CTNNA2: variants seen among roughly 807,000 people sequenced by gnomAD.
CTNNA2 encodes catenin alpha 2, also known as catenin alpha-2.
CTNNA2 carries 42 observed loss-of-function variants against 101.0 expected under a neutral mutation model. The observed-to-expected ratio is 0.42, with a 90% confidence interval of 0.32 to 0.54. CTNNA2 has a LOEUF of 0.54. CTNNA2 is among the 20% of genes least tolerant of loss of function. The probability of loss-of-function intolerance (pLI) is 0.14; values close to 1 mark genes in which losing one functional copy is unlikely to be tolerated. For missense variants in CTNNA2, 871 were observed against 1,223.1 expected, an observed-to-expected ratio of 0.71 and a Z score of 4.29; for synonymous variants, 450 against 456.4, an observed-to-expected ratio of 0.99 and a Z score of 0.18.
intron 4 of CTNNA2, among the ~76,000 whole-genome samples, chr2:79,448,811 G>A (rs1417808479): frequency 2.0e-5 from 3 of 152,010 alleles, no homozygotes; most frequent in Non-Finnish European, 4.4e-5. Context: ...ATGGTTCAAC[G>A]GAAATCAAAG....
intron 7 of CTNNA2, among the ~76,000 whole-genome samples, chr2:80,230,281 A>G (rs1709125156): frequency 2.5e-5 from 3 of 120,106 alleles, no homozygotes; most frequent in South Asian, 5.0e-4. Context: ...TTTTTTTAAG[A>G]GATAGAGTCT....
chr2:79,385,239 A>G (rs1573140278), intron 4 of CTNNA2, among the ~76,000 whole-genome samples: 1 of 152,120 alleles, frequency 6.6e-6, no homozygotes, highest in African/African-American at 2.4e-5. Context: ...GAGTATTAGC[A>G]GGTACTAGAA....
intron 9 of CTNNA2, among the ~76,000 whole-genome samples, chr2:80,488,699 C>T (rs777437473): frequency 1.3e-5 from 2 of 152,170 alleles, no homozygotes; most frequent in Non-Finnish European, 2.9e-5. Context: ...AAGCATGTTA[C>T]ATGTCCACTG....
At chr2:79,363,528 T>C (rs1677677067) in intron 3 of CTNNA2, among the ~76,000 whole-genome samples, 1 of 151,014 alleles carries the variant, frequency 6.6e-6, no homozygotes, top group African/African-American at 2.4e-5. Flanking sequence ...AGGTATTTAT[T>C]ACATTTAACT....
chr2:80,517,567 A>G (rs1689199884), intron 9 of CTNNA2, among the ~76,000 whole-genome samples: 1 of 152,206 alleles, frequency 6.6e-6, no homozygotes, highest in Admixed American at 6.5e-5. Flanking sequence ...ACAGGCGTCT[A>G]TTAATCTTGT....
At chr2:80,598,546 G>A (rs879474865) in intron 15 of CTNNA2, among the ~76,000 whole-genome samples, 9 of 151,982 alleles carry the variant, frequency 5.9e-5, no homozygotes, top group South Asian at 2.1e-4. Context: ...ATCCAGAGAC[G>A]TAAAAACTTG....
chr2:80,448,651 C>T (rs1385759383), intron 9 of CTNNA2, among the ~76,000 whole-genome samples: 1 of 152,170 alleles, frequency 6.6e-6, no homozygotes, highest in Admixed American at 6.5e-5. Context: ...TTGCATAAGT[C>T]TCCTTTCTTG....
At chr2:79,835,666 G>GTTTTTTTTTTTTTTTTTTTT (rs70940048) in intron 3 of CTNNA2, among the ~76,000 whole-genome samples, 1 of 58,618 alleles carries the variant, frequency 1.7e-5, no homozygotes, top group African/African-American at 7.3e-5. Context: ...GCCTCTCTTT[G>GTTTTTTTTTTTTTTTTTTTT]TTTTTTTTTT....
chr2:79,263,843 G>A (rs549909581), intron 2 of CTNNA2, among the ~76,000 whole-genome samples: 9 of 152,246 alleles, frequency 5.9e-5, no homozygotes, highest in Non-Finnish European at 1.3e-4. Flanking sequence ...CCAGAACTGT[G>A]AGCCAAATAC....
At chr2:79,355,888 G>A (rs1385865593) in intron 3 of CTNNA2, among the ~76,000 whole-genome samples, 4 of 151,984 alleles carry the variant, frequency 2.6e-5, no homozygotes, top group Non-Finnish European at 5.9e-5. Flanking sequence ...TGTCAGTAGT[G>A]CTGCTGTGAA....
intron 17 of CTNNA2, chr2:80,613,003 A>T (rs1573456250): frequency 6.6e-6 from 1 of 151,618 alleles, no homozygotes; most frequent in East Asian, 2.0e-4. Flanking sequence ...ACCTAGAGAG[A>T]GTAAGATAAA....
intron 9 of CTNNA2, among the ~76,000 whole-genome samples, chr2:80,535,287 T>C (rs926560625): frequency 3.9e-5 from 6 of 152,176 alleles, no homozygotes; most frequent in Non-Finnish European, 8.8e-5. Context: ...CTTCCATGTC[T>C]GTCATATATA....
At chr2:80,346,738 A>G (rs1452432257) in intron 7 of CTNNA2, among the ~76,000 whole-genome samples, 1 of 152,246 alleles carries the variant, frequency 6.6e-6, no homozygotes, top group Non-Finnish European at 1.5e-5. Context: ...CAAACCTTAA[A>G]AAGGAAATGC....
rs1313432223 is a variant in CTNNA2, at chr2:80,039,597, G to A, written c.1056+129800G>A. ...ACCGCCCATCTTCCGTCTGACTCCA[G>A]TGGGGGTGGTTCTAAGATATTGGTC... On this transcript the variant is annotated intron_variant, in intron 7 of 18. Transcript: ENST00000402739. Among the ~76,000 whole-genome samples, 4 of 152,202 alleles carry A rather than the reference G, an allele frequency of 2.6e-5. No homozygotes were observed. The East Asian group carries it at 7.7e-4, about 29-fold the overall frequency.
intron 8 of CTNNA2, among the ~76,000 whole-genome samples, chr2:80,401,279 CA>C (rs1346654137): frequency 3.9e-5 from 6 of 152,202 alleles, no homozygotes; most frequent in Non-Finnish European, 7.3e-5. Flanking sequence ...TGTCTGTAGT[CA>C]CCGCACCCAG....
chr2:79,813,465 C>T (rs1454147350), intron 3 of CTNNA2, among the ~76,000 whole-genome samples: 1 of 152,106 alleles, frequency 6.6e-6, no homozygotes, highest in Non-Finnish European at 1.5e-5. Context: ...AATTATGGAT[C>T]CTGGAAGCCT....
At chr2:79,858,252 C>A in intron 4 of CTNNA2, 73 bp downstream of exon 4, 1 of 1,237,300 alleles carries the variant, frequency 8.1e-7, no homozygotes, top group Non-Finnish European at 1.2e-6. Context: ...ACAGCTCTGG[C>A]CTCTACTCTA....
At chr2:79,231,472 C>T (rs946823448) in intron 2 of CTNNA2, among the ~76,000 whole-genome samples, 1 of 152,170 alleles carries the variant, frequency 6.6e-6, no homozygotes, top group Non-Finnish European at 1.5e-5. Flanking sequence ...AAAATTATTT[C>T]TTTTGCCAAT....
At chr2:80,104,032 T>TA (rs1484309768) in intron 7 of CTNNA2, among the ~76,000 whole-genome samples, 1 of 152,218 alleles carries the variant, frequency 6.6e-6, no homozygotes, top group Non-Finnish European at 1.5e-5. Context: ...TCATAACTGT[T>TA]AATTATAACA....
Sources: gnomAD v4.1 joint callset for allele counts (sites outside exome capture counted in the v4.1 genomes callset) on GRCh38, gnomAD v4.1.1 for gene constraint, MANE v1.5 for transcripts, NCBI Gene and HGNC (gene_info 2026-07-23, HGNC 2026-07-21) for gene names.